The following ABCC10 variants were observed in gnomAD, a reference collection of about 807,000 sequenced individuals.
ABCC10 encodes the protein ATP binding cassette subfamily C member 10.
Under a neutral mutation model 143.2 loss-of-function variants are expected in ABCC10, and 110 were observed. The observed-to-expected ratio is 0.77, with a 90% CI of 0.66 to 0.90. The LOEUF is 0.90. ABCC10 is among the 40% of genes least tolerant of loss of function. The pLI, the probability that ABCC10 is intolerant of heterozygous loss-of-function variation, is 0.00. For synonymous variants in ABCC10, 805 were observed against 846.7 expected (o/e 0.95, Z 0.85); for missense variants, 1,700 against 1,900.5 (o/e 0.89, Z 1.96).
chr6:43,432,743 C>T lies in ABCC10; in HGVS notation c.763C>T (p.Gln255Ter). Residue 255 changes from glutamine (Q) to a stop codon, truncating the protein, a stop_gained, in exon 3 of 22, where the codon CAG (glutamine) becomes TAG (stop). Transcript: ENST00000372530. LOFTEE classifies it high-confidence loss of function. ...CATTTGCCGCCTCCCCCACAGACTG[C>T]AGCCAACCTACCTGGCTCGTGTCTT... is the stretch of plus-strand genomic sequence containing the variant. The part of the protein sequence containing the change: ...QDICRLPHRL[Q>*]PTYLARVFQA... 1 of 1,614,148 alleles carries T rather than the reference C, an allele frequency of 6.2e-7. No homozygotes were observed. The highest frequency in any genetic ancestry group is 8.5e-7 in the Non-Finnish European group (1 of 1,180,012).
chr6:43,438,155 T>A, intron 7 of ABCC10, 142 bp downstream of exon 7: 4 of 1,049,628 alleles, frequency 3.8e-6, no homozygotes, highest in Non-Finnish European at 5.6e-6. Flanking sequence ...GTTTTCAATC[T>A]GGAAAGAAGG....
Position 43,447,796 on chromosome 6 carries a change from G to C in ABCC10, c.3818G>C (p.Gly1273Ala). Residue 1273 changes from glycine (G) to alanine (A), a missense_variant, in exon 18 of 22, where the codon GGA becomes GCA. Coordinates refer to ENST00000372530, the MANE Select transcript of ABCC10 (RefSeq NM_001198934.2). Reference protein sequence around the residue: ...LDGVTFCVQPGEKLGIVGRTG... With the variant: ...LDGVTFCVQPAEKLGIVGRTG... ...GGAGTGACCTTCTGCGTGCAGCCTG[G>C]AGAGAAGTTGGGCATCGTGGGCCGC... 3 of 1,613,632 alleles carry C rather than the reference G, an allele frequency of 1.9e-6. No individual in the cohort carries two copies. The highest frequency in any genetic ancestry group is 2.5e-6 in the Non-Finnish European group (3 of 1,180,028).
rs1368530428 is a variant in ABCC10 at position 43,449,072 on chromosome 6, G to GCCTGGGC, written c.4106-30_4106-24dup. 6.8e-6 allele frequency: 11 copies of GCCTGGGC among 1,613,838 alleles called. No homozygotes were observed. The African/African-American group carries it at 1.3e-4, about 20-fold the overall frequency. On this transcript the variant is annotated intron_variant, in intron 19 of 21. Coordinates refer to ENST00000372530, the MANE Select transcript of ABCC10 (RefSeq NM_001198934.2). Reference sequence around the variant, plus strand: ...TTAGAGCAAGAAGGGAGCAGGGATGGCCTGGGCCCTGCAACGAAGATGCTT... The same window carrying GCCTGGGC: ...TTAGAGCAAGAAGGGAGCAGGGATGGCCTGGGCCCTGGGCCCTGCAACGAAGATGCTT...
chr6:43,436,045 AG>A, intron 5 of ABCC10, 92 bp from the exon 6 acceptor site: 1 of 1,604,950 alleles, frequency 6.2e-7, no homozygotes, highest in Non-Finnish European at 8.5e-7. Flanking sequence ...TTGGGCAGGT[AG>A]ATATGGGGCT....
chr6:43,448,969 A>G lies in ABCC10; in HGVS notation c.4048A>G (p.Arg1350Gly), dbSNP rs773279335. 1 of 1,614,220 alleles carries G rather than the reference A, an allele frequency of 6.2e-7. No homozygotes were observed. Among genetic ancestry groups the G allele is most frequent in the South Asian group, 1.1e-5 (1 of 91,088 alleles). ...GGACCCCCAGGGCCTACATAAGGACAGGGCCTTGTGGCAGGCCCTGAAGCA... is the reference window on the plus strand; with the variant it reads ...GGACCCCCAGGGCCTACATAAGGACGGGGCCTTGTGGCAGGCCCTGAAGCA... The part of the protein sequence containing the change: ...NLDPQGLHKD[R>G]ALWQALKQCH... Residue 1350 changes from arginine (R) to glycine (G), a missense_variant, in exon 19 of 22, where the codon AGG (arginine) becomes GGG (glycine). By Grantham distance (125) the Arg-to-Gly change is moderately radical. Coordinates refer to ENST00000372530, the MANE Select transcript of ABCC10 (RefSeq NM_001198934.2).
Position 43,445,784 on chromosome 6 carries a change from G to A in ABCC10, c.3216G>A (p.Pro1072=), listed in dbSNP as rs1186587542. 9.3e-6 allele frequency: 15 copies of A among 1,613,928 alleles called. No homozygotes were observed. The highest frequency in any genetic ancestry group is 4.4e-5 in the South Asian group (4 of 91,088). ...SGLPWLLLLL[P]PLSIMYYHVQ... is the part of the protein sequence containing the mutation. ...TGCCCTGGCTGCTGCTCCTGCTGCC[G>A]CCTTTGAGCATCATGTACTATCACG... Residue 1072 remains proline, a synonymous_variant, in exon 15 of 22, where the codon CCG becomes CCA. Coordinates refer to ENST00000372530, the MANE Select transcript of ABCC10 (RefSeq NM_001198934.2).
intron 2 of ABCC10, chr6:43,431,880 C>T: frequency 7.7e-7 from 1 of 1,297,746 alleles, no homozygotes; most frequent in Non-Finnish European, 9.7e-7. Context: ...AAACATGAAT[C>T]AGAAATGGTG....
At chr6:43,442,093 G>T in intron 9 of ABCC10, 133 bp downstream of exon 9, 1 of 711,708 alleles carries the variant, frequency 1.4e-6, no homozygotes, top group Admixed American at 2.5e-5. Flanking sequence ...GCATGTTCCT[G>T]AGGTATTGGC....
At chr6:43,431,004 A>C (rs560775206) in intron 2 of ABCC10, 2 of 152,246 alleles carry the variant, frequency 1.3e-5, no homozygotes, top group East Asian at 1.9e-4. Flanking sequence ...GATTACGGGC[A>C]TAAGCCACTG....
Position 43,432,390 on chromosome 6 carries a change from C to G in ABCC10, c.410C>G (p.Ala137Gly), listed in dbSNP as rs1347909686. The change falls in exon 3 of 22, where the codon GCC (alanine) becomes GGC (glycine). Residue 137 changes from alanine to glycine, a missense_variant. Physicochemically the swap from Ala to Gly is moderately conservative, Grantham distance 60 (BLOSUM62 0). Coordinates refer to ENST00000372530, the MANE Select transcript of ABCC10 (RefSeq NM_001198934.2). ...CACTCCCGGGGTCCCTTGGCCTTGGCCCTGGTAGCCTTGCTGCCAGCTCCA... is the reference window on the plus strand; with the variant it reads ...CACTCCCGGGGTCCCTTGGCCTTGGGCCTGGTAGCCTTGCTGCCAGCTCCA... ...HGHSRGPLALALVALLPAPAL... is the reference protein window; with the variant it reads ...HGHSRGPLALGLVALLPAPAL... 4 of 1,612,502 alleles carry G rather than the reference C, an allele frequency of 2.5e-6. No homozygotes were observed. Among genetic ancestry groups the G allele is most frequent in the Non-Finnish European group, 3.4e-6 (4 of 1,180,012 alleles).
chr6:43,445,153 G>T lies in ABCC10; in HGVS notation c.2869G>T (p.Ala957Ser). The T allele has an allele frequency of 6.2e-7, 1 of 1,614,028 alleles. No homozygotes were observed. The highest frequency in any genetic ancestry group is 8.5e-7 in the Non-Finnish European group (1 of 1,179,950). ...YIPVFPLPKAAPNGSSDIRFY... is the reference protein window; with the variant it reads ...YIPVFPLPKASPNGSSDIRFY... ...CCCAGTGTTCCCACTGCCCAAAGCT[G>T]CCCCCAATGGCTCCTCAGACATCCG... Residue 957 changes from alanine to serine, a missense_variant, in exon 14 of 22, where the codon GCC becomes TCC. By Grantham distance (99) the Ala-to-Ser change is moderately conservative. Transcript: ENST00000372530.
In ABCC10 at chr6:43,447,942, G is replaced by C. The variant is rs763950953; in HGVS notation, c.3959+5G>C. 3 of 1,612,042 alleles carry C rather than the reference G, an allele frequency of 1.9e-6. No homozygotes were observed. The highest frequency in any genetic ancestry group is 2.2e-5 in the East Asian group (1 of 44,900). Reference sequence around the variant, plus strand: ...GCTGGAGCTGGCCCAGCTCAGGTCTGGGGGAGATGGACTTGGGAGGGGAAG... The same window carrying C: ...GCTGGAGCTGGCCCAGCTCAGGTCTCGGGGAGATGGACTTGGGAGGGGAAG... On this transcript the variant is annotated splice_donor_5th_base_variant and intron_variant, in intron 18 of 21. Transcript: ENST00000372530.
intron 8 of ABCC10, 86 bp from the exon 9 acceptor site, chr6:43,441,776 A>G: frequency 9.1e-7 from 1 of 1,101,290 alleles, no homozygotes. Flanking sequence ...ACTTCTCTTG[A>G]CTCCCACTAT....
Position 43,449,511 on chromosome 6 carries a change from G to A in ABCC10, c.4293G>A (p.Lys1431=), listed in dbSNP as rs1562207977. 3 of 1,613,894 alleles carry A rather than the reference G, an allele frequency of 1.9e-6. No individual in the cohort carries two copies. The highest frequency in any genetic ancestry group is 3.3e-5 in the Admixed American group (2 of 59,982). ...QQTICKRFAN[K]TVLTIAHRLN... The stretch of plus-strand genomic sequence containing the variant: ...CCATCTGCAAACGCTTTGCCAACAA[G>A]ACAGTGCTGACCATTGCCCATAGGT... The change falls in exon 21 of 22, where the codon AAG becomes AAA. Residue 1431 remains lysine, a synonymous_variant. Coordinates refer to ENST00000372530, the MANE Select transcript of ABCC10 (RefSeq NM_001198934.2).
Position 43,441,940 on chromosome 6 carries a change from C to A in ABCC10, c.2206C>A (p.Leu736Ile), listed in dbSNP as rs747043853. The A allele has an allele frequency of 6.2e-7, 1 of 1,613,852 alleles. No homozygotes were observed. The highest frequency in any genetic ancestry group is 2.2e-5 in the East Asian group (1 of 44,870). The change falls in exon 9 of 22, where the codon CTT (leucine) becomes ATT (isoleucine). Residue 736 changes from leucine (L) to isoleucine (I), a missense_variant. Coordinates refer to ENST00000372530, the MANE Select transcript of ABCC10 (RefSeq NM_001198934.2). ...CGGAGGACAGCGTGCCCGGATTGCC[C>A]TTGCTCGTGCTGTCTACCAGGTCAG... ...LSGGQRARIA[L>I]ARAVYQEKEL... is the part of the protein sequence containing the mutation.
intron 2 of ABCC10, among the ~76,000 whole-genome samples, chr6:43,431,329 A>T (rs2127381773): frequency 6.6e-6 from 1 of 151,376 alleles, no homozygotes; most frequent in Middle Eastern, 3.4e-3. Context: ...ATGAATATGT[A>T]CCCTTTATCA....
At chr6:43,428,753 CG>C (rs1005114553) in intron 2 of ABCC10, among the ~76,000 whole-genome samples, 2 of 152,096 alleles carry the variant, frequency 1.3e-5, no homozygotes, top group African/African-American at 4.8e-5. Context: ...TTCTGGCTGC[CG>C]AGAAGATAGG....
intron 17 of ABCC10, 35 bp downstream of exon 17, chr6:43,447,443 G>T: frequency 6.2e-7 from 1 of 1,604,460 alleles, no homozygotes. Context: ...CCAAAGCTCT[G>T]GAACCCTGAA....
At position 43,449,407 on chromosome 6, in the gene ABCC10, A is replaced by G. The variant is rs372751603; in HGVS notation, c.4204-15A>G. ...CTCCTTCCTTCTTATCCCCTACCCCATTCCCATATTCCAGATCCTGTGTAT... is the reference window on the plus strand; with the variant it reads ...CTCCTTCCTTCTTATCCCCTACCCCGTTCCCATATTCCAGATCCTGTGTAT... On this transcript the variant is annotated splice_polypyrimidine_tract_variant and intron_variant, in intron 20 of 21. Coordinates refer to ENST00000372530, the MANE Select transcript of ABCC10 (RefSeq NM_001198934.2). The G allele has an allele frequency of 1.3e-5, 21 of 1,606,832 alleles. No homozygotes were observed. In the African/African-American group the frequency reaches 2.5e-4, roughly 19 times the overall value.
Sources: allele counts gnomAD v4.1 joint callset (sites outside exome capture counted in the v4.1 genomes callset), GRCh38; gene constraint gnomAD v4.1.1; transcripts MANE v1.5; gene names NCBI Gene and HGNC (gene_info 2026-07-23, HGNC 2026-07-21).